EBAG9: variants seen among roughly 807,000 people sequenced by gnomAD.
EBAG9 encodes estrogen receptor binding site associated antigen 9.
In EBAG9, 16 loss-of-function variants were observed where a neutral mutation model predicts 30.9. The observed-to-expected ratio is 0.52, with a 90% CI of 0.35 to 0.79. The LOEUF is 0.79. Ranked by LOEUF, EBAG9 falls within the 30% of genes least tolerant of loss-of-function variation. The pLI, the probability that EBAG9 is intolerant of heterozygous loss-of-function variation, is 0.01. For synonymous variants in EBAG9, 93 were observed against 82.8 expected (o/e 1.12, Z -0.67); for missense variants, 197 against 242.1 (o/e 0.81, Z 1.24).
At chr8:109,549,005 T>A (rs1366506792) in intron 1 of EBAG9, among the ~76,000 whole-genome samples, 1 of 151,216 alleles carries the variant, frequency 6.6e-6, no homozygotes, top group East Asian at 1.9e-4. Context: ...AATTATCAAA[T>A]TTTTTTACCA....
Position 109,564,776 on chromosome 8 carries a change from A to G in EBAG9, c.*217A>G. Reference sequence around the variant, plus strand: ...AAGACTTGAGACAATGTTTTCTTCAACATGCTCCAAATATAAGACATTTGT... The same window carrying G: ...AAGACTTGAGACAATGTTTTCTTCAGCATGCTCCAAATATAAGACATTTGT... On this transcript the variant is annotated 3_prime_UTR_variant, in exon 7 of 7. Coordinates refer to ENST00000337573, the MANE Select transcript of EBAG9 (RefSeq NM_004215.5). The G allele has an allele frequency of 4.4e-6, 2 of 450,488 alleles. No homozygotes were observed. Among genetic ancestry groups the G allele is most frequent in the Non-Finnish European group, 7.7e-6 (2 of 259,244 alleles). 27.9% of individuals were successfully genotyped at this position (450,488 alleles called of 1,614,324 possible).
intron 4 of EBAG9, among the ~76,000 whole-genome samples, chr8:109,556,367 A>G (rs1821598211): frequency 6.6e-6 from 1 of 152,098 alleles, no homozygotes; most frequent in Non-Finnish European, 1.5e-5. Flanking sequence ...AACACATTAA[A>G]TTGTGTATTT....
intron 1 of EBAG9, among the ~76,000 whole-genome samples, chr8:109,547,480 T>C (rs1204685418): frequency 6.6e-6 from 1 of 151,458 alleles, no homozygotes; most frequent in African/African-American, 2.4e-5. Flanking sequence ...CCATTGTATA[T>C]GTTCTTTTTT....
chr8:109,550,900 A>G lies in EBAG9; in HGVS notation c.76A>G (p.Ile26Val). The change falls in exon 2 of 7, where the codon ATA (isoleucine) becomes GTA (valine). Residue 26 changes from isoleucine to valine, a missense_variant. Transcript: ENST00000337573. ...ATVFSFLKRL[I>V]CRSGRGRKLS... ...AGTATTCTCATTCCTAAAGAGATTA[A>G]TATGCAGGTAAATAAGTTTTATGTT... 4 of 1,572,658 alleles carry G rather than the reference A, an allele frequency of 2.5e-6. No individual in the cohort carries two copies. Among genetic ancestry groups the G allele is most frequent in the Middle Eastern group, 3.3e-4 (2 of 6,016 alleles).
chr8:109,558,399 C>T (rs1821645756), intron 5 of EBAG9, among the ~76,000 whole-genome samples: 1 of 152,068 alleles, frequency 6.6e-6, no homozygotes, highest in East Asian at 1.9e-4. Flanking sequence ...ACACATAACA[C>T]CATAAATACT....
At chr8:109,560,437 A>G (rs1260014101) in intron 5 of EBAG9, among the ~76,000 whole-genome samples, 1 of 152,222 alleles carries the variant, frequency 6.6e-6, no homozygotes, top group African/African-American at 2.4e-5. Context: ...AGATTAGTCC[A>G]GTCAAGGATT....
At chr8:109,545,938 A>G (rs113298324) in intron 1 of EBAG9, among the ~76,000 whole-genome samples, 2,750 of 152,314 alleles carry the variant, frequency 0.018, 41 homozygotes, top group African/African-American at 0.039. Flanking sequence ...ACTTGCTTCA[A>G]GTCCTTCCCA....
chr8:109,560,104 T>C (rs1015141160), intron 5 of EBAG9, among the ~76,000 whole-genome samples: 1 of 152,144 alleles, frequency 6.6e-6, no homozygotes, highest in African/African-American at 2.4e-5. Flanking sequence ...GTACCAGTTA[T>C]TTTACACACA....
intron 6 of EBAG9, chr8:109,563,321 A>G: frequency 2.6e-6 from 4 of 1,527,590 alleles, no homozygotes; most frequent in South Asian, 1.2e-5. Flanking sequence ...TGCCTATTCC[A>G]TGCCCAATTG....
At chr8:109,556,365 A>C (rs1042197980) in intron 4 of EBAG9, among the ~76,000 whole-genome samples, 11 of 152,100 alleles carry the variant, frequency 7.2e-5, no homozygotes, top group African/African-American at 2.7e-4. Context: ...AAAACACATT[A>C]AATTGTGTAT....
At position 109,547,640 on chromosome 8, in the gene EBAG9, C is replaced by T. The variant is rs575755209; in HGVS notation, c.-15-3170C>T. ...GGACTACAGGTGCCCGCGACCATGC[C>T]CGGCTAATTTTTTGTATTTTTAGTA... On this transcript the variant is annotated intron_variant, in intron 1 of 6. Transcript: ENST00000337573. Among the ~76,000 whole-genome samples the T allele has an allele frequency of 2.9e-3, 439 of 151,968 alleles. 1 individual carries two copies. Among genetic ancestry groups the T allele is most frequent in the Middle Eastern group, 6.8e-3 (2 of 294 alleles).
intron 5 of EBAG9, 60 bp from the exon 6 acceptor site, chr8:109,560,778 C>G: frequency 8.5e-7 from 1 of 1,183,176 alleles, no homozygotes; most frequent in Non-Finnish European, 1.2e-6. Flanking sequence ...CTCTTTTTAA[C>G]GGCTATGTGG....
intron 5 of EBAG9, 44 bp downstream of exon 5, chr8:109,557,086 T>G (rs1821615943): frequency 1.5e-6 from 2 of 1,290,764 alleles, no homozygotes; most frequent in Non-Finnish European, 2.2e-6. Context: ...GTTGTATTTC[T>G]GTTTTCTTTA....
rs746360395 is a variant in EBAG9 at position 109,554,861 on chromosome 8, A to G, written c.295A>G (p.Thr99Ala). 3.1e-6 allele frequency: 5 copies of G among 1,613,594 alleles called. No individual in the cohort carries two copies. ...QLEPDYFKDM[T>A]PTIRKTQKIV... ...GGAACCTGACTATTTTAAGGACATG[A>G]CACCAACTATTAGGAAAACTCAGAA... The change falls in exon 4 of 7, where the codon ACA becomes GCA. Residue 99 changes from threonine to alanine, a missense_variant. Coordinates refer to ENST00000337573, the MANE Select transcript of EBAG9 (RefSeq NM_004215.5).
chr8:109,550,758 A>G lies in EBAG9; in HGVS notation c.-15-52A>G, dbSNP rs1473244014. On this transcript the variant is annotated intron_variant, in intron 1 of 6. Coordinates refer to ENST00000337573, the MANE Select transcript of EBAG9 (RefSeq NM_004215.5). ...TAATAGGTCTTTTCAGGACAGGAGT[A>G]TGACTTTTGAAATCAATTTAATGCA... The G allele has an allele frequency of 7.6e-6, 8 of 1,049,378 alleles. No homozygotes were observed. The Admixed American group carries it at 1.6e-4, about 20-fold the overall frequency. 65.0% of individuals were successfully genotyped at this position (1,049,378 alleles called of 1,614,324 possible). A position where few individuals can be genotyped will look rare whatever the true frequency, so the allele number is the denominator to read the frequency against.
At chr8:109,553,313 G>A (rs182307921) in intron 2 of EBAG9, among the ~76,000 whole-genome samples, 1 of 152,132 alleles carries the variant, frequency 6.6e-6, no homozygotes, top group Non-Finnish European at 1.5e-5. Context: ...GAAAACTGTG[G>A]TTTACACAGA....
At chr8:109,540,966 G>C (rs185251422) in intron 1 of EBAG9, among the ~76,000 whole-genome samples, 8 of 152,184 alleles carry the variant, frequency 5.3e-5, no homozygotes, top group African/African-American at 1.9e-4. Flanking sequence ...AGGACCTCTA[G>C]CAGTTTACCG....
intron 6 of EBAG9, among the ~76,000 whole-genome samples, chr8:109,564,010 C>T (rs1315222575): frequency 6.6e-6 from 1 of 151,990 alleles, no homozygotes; most frequent in Non-Finnish European, 1.5e-5. Flanking sequence ...TTTGTAACTA[C>T]TATAATAACA....
At chr8:109,559,391 G>A (rs910036568) in intron 5 of EBAG9, among the ~76,000 whole-genome samples, 1 of 152,302 alleles carries the variant, frequency 6.6e-6, no homozygotes, top group South Asian at 2.1e-4. Context: ...CCAAGAGGTC[G>A]AGGCTGCCGT....
Sources: gnomAD v4.1 joint callset for allele counts (sites outside exome capture counted in the v4.1 genomes callset) on GRCh38, gnomAD v4.1.1 for gene constraint, MANE v1.5 for transcripts, NCBI Gene and HGNC (gene_info 2026-07-23, HGNC 2026-07-21) for gene names.